The following PRKN variants were observed in gnomAD, a reference collection of about 807,000 sequenced individuals.
PRKN encodes the protein E3 ubiquitin-protein ligase parkin.
PRKN carries 56 observed loss-of-function variants against 59.5 expected under a neutral mutation model. The observed-to-expected ratio is 0.94, with a 90% CI of 0.76 to 1.18. PRKN has a LOEUF of 1.18. PRKN is among the 50% of genes most tolerant of loss of function. The pLI is 0.00. For synonymous variants in PRKN, 250 were observed against 222.1 expected, an observed-to-expected ratio of 1.13 and a Z score of -1.12; for missense variants, 657 against 596.4, an observed-to-expected ratio of 1.10 and a Z score of -1.06.
intron 3 of PRKN, among the ~76,000 whole-genome samples, chr6:162,235,178 A>G (rs1181029101): frequency 6.6e-6 from 1 of 152,212 alleles, no homozygotes; most frequent in Non-Finnish European, 1.5e-5. Context: ...ACCAAAACTT[A>G]CCACTAAATC....
At chr6:161,874,760 T>C (rs1399928165) in intron 6 of PRKN, among the ~76,000 whole-genome samples, 113 of 112,442 alleles carry the variant, frequency 1.0e-3, no homozygotes, top group African/African-American at 4.6e-3. Flanking sequence ...ATAATATATA[T>C]AAAATATATA....
intron 2 of PRKN, among the ~76,000 whole-genome samples, chr6:162,327,483 G>A (rs1783346306): frequency 6.6e-6 from 1 of 152,006 alleles, no homozygotes; most frequent in East Asian, 1.9e-4. Context: ...CTTCTCTACA[G>A]TTTCAATGTT....
chr6:161,519,189 G>A (rs1374353869), intron 9 of PRKN, among the ~76,000 whole-genome samples: 1 of 150,644 alleles, frequency 6.6e-6, no homozygotes, highest in Admixed American at 6.6e-5. Context: ...AGCTGGGGAA[G>A]TAGGGAGGAG....
chr6:162,090,840 A>T (rs1430538953), intron 4 of PRKN, among the ~76,000 whole-genome samples: 1 of 152,138 alleles, frequency 6.6e-6, no homozygotes, highest in Non-Finnish European at 1.5e-5. Flanking sequence ...AGACCCTAAG[A>T]TTTACCATGG....
At chr6:162,551,055 T>C (rs1293431367) in intron 1 of PRKN, among the ~76,000 whole-genome samples, 1 of 152,174 alleles carries the variant, frequency 6.6e-6, no homozygotes, top group Non-Finnish European at 1.5e-5. Flanking sequence ...CTTCTTATCA[T>C]CTCTCTTAGT....
At chr6:161,983,830 G>A (rs1462602794) in intron 5 of PRKN, among the ~76,000 whole-genome samples, 4 of 111,462 alleles carry the variant, frequency 3.6e-5, no homozygotes, top group African/African-American at 7.6e-5. Context: ...TGGGTGCAGC[G>A]CACCAGCACG....
chr6:161,655,885 TACACACACAC>T (rs376047879), intron 7 of PRKN, among the ~76,000 whole-genome samples: 4 of 56,844 alleles, frequency 7.0e-5, no homozygotes, highest in African/African-American at 2.1e-4. Flanking sequence ...CACACACACA[TACACACACAC>T]ACACACACAC....
intron 1 of PRKN, among the ~76,000 whole-genome samples, chr6:162,550,021 G>C (rs9456788): frequency 0.24 from 37,176 of 152,076 alleles, 5,597 homozygotes; most frequent in African/African-American, 0.42. Context: ...CTCACCGTTT[G>C]TCTGGTGTTT....
chr6:162,332,358 A>G (rs1347625358), intron 2 of PRKN, among the ~76,000 whole-genome samples: 4 of 152,204 alleles, frequency 2.6e-5, no homozygotes, highest in Non-Finnish European at 5.9e-5. Flanking sequence ...GTGTCAACAC[A>G]GCACACAACC....
intron 2 of PRKN, among the ~76,000 whole-genome samples, chr6:162,297,804 C>T (rs1781748999): frequency 1.3e-5 from 2 of 152,104 alleles, no homozygotes; most frequent in Non-Finnish European, 2.9e-5. Flanking sequence ...GTGGGCTCTT[C>T]ATCCTTCCTG....
At chr6:162,178,577 G>A (rs1044001386) in intron 4 of PRKN, among the ~76,000 whole-genome samples, 1 of 152,156 alleles carries the variant, frequency 6.6e-6, no homozygotes, top group African/African-American at 2.4e-5. Context: ...TTTGTTTAAA[G>A]ACTATTTTGG....
At chr6:162,472,914 C>T (rs1445443723) in intron 1 of PRKN, among the ~76,000 whole-genome samples, 3 of 151,394 alleles carry the variant, frequency 2.0e-5, no homozygotes, top group African/African-American at 7.3e-5. Context: ...TTATAGCCAG[C>T]TACTCCAGAA....
rs747427602 is a variant in PRKN at position 161,785,885 on chromosome 6, C to T, written c.758G>A (p.Cys253Tyr). 6.8e-6 allele frequency: 11 copies of T among 1,614,112 alleles called. No homozygotes were observed. Among genetic ancestry groups the T allele is most frequent in the Admixed American group, 1.7e-5 (1 of 60,026 alleles). ...DVRSPVLVFQCNSRHVICLDC... is the reference protein window; with the variant it reads ...DVRSPVLVFQYNSRHVICLDC... ...TAAGCAAATCACGTGGCGGGAGTTG[C>T]ACTGGAAAACCAGGACGGGGCTCCT... is the stretch of plus-strand genomic sequence containing the variant. Residue 253 changes from cysteine (C) to tyrosine (Y), a missense_variant, in exon 7 of 12, where the codon TGC (cysteine) becomes TAC (tyrosine). Cys to Tyr is a radical substitution (Grantham distance 194, BLOSUM62 -2). Coordinates refer to ENST00000366898, the MANE Select transcript of PRKN (RefSeq NM_004562.3).
At chr6:161,945,742 C>T (rs1008523360) in intron 6 of PRKN, among the ~76,000 whole-genome samples, 1 of 152,138 alleles carries the variant, frequency 6.6e-6, no homozygotes, top group Admixed American at 6.5e-5. Flanking sequence ...ACCTGCACTT[C>T]GAGATTCAGT....
chr6:161,382,318 A>G (rs1037335561), intron 10 of PRKN, among the ~76,000 whole-genome samples: 1 of 152,054 alleles, frequency 6.6e-6, no homozygotes, highest in Non-Finnish European at 1.5e-5. Flanking sequence ...TAGAATGTTG[A>G]GCAGGAGGCA....
intron 6 of PRKN, among the ~76,000 whole-genome samples, chr6:161,891,787 G>T (rs1228640653): frequency 6.6e-6 from 1 of 152,198 alleles, no homozygotes; most frequent in East Asian, 1.9e-4. Context: ...GGAGAAAGCA[G>T]TTAGATCTAA....
intron 9 of PRKN, among the ~76,000 whole-genome samples, chr6:161,432,341 A>G (rs1311759925): frequency 1.4e-5 from 2 of 147,866 alleles, no homozygotes; most frequent in Admixed American, 6.8e-5. Flanking sequence ...CATTAACAAT[A>G]TTCACTTCCT....
rs1292101136 is a variant in PRKN at position 161,357,952 on chromosome 6, C to T, written c.1285+2136G>A. ...GTGCTCACACAGCCACAGTCCATGG[C>T]AGAGTCCTAACTCCTGCAACACTGC... On this transcript the variant is annotated intron_variant, in intron 11 of 11. Coordinates refer to ENST00000366898, the MANE Select transcript of PRKN (RefSeq NM_004562.3). The surrounding 1 kb of genome is among the most constrained non-coding windows in gnomAD (Gnocchi z 5.5). 6.6e-6 allele frequency among the ~76,000 whole-genome samples: 1 copy of T among 152,220 alleles called. No homozygotes were observed. Among genetic ancestry groups the T allele is most frequent in the African/African-American group, 2.4e-5 (1 of 41,444 alleles).
Position 161,369,759 on chromosome 6 carries a change from A to G in PRKN, c.1168-9554T>C, listed in dbSNP as rs1206488903. Among the ~76,000 whole-genome samples, 2 of 151,978 alleles carry G rather than the reference A, an allele frequency of 1.3e-5. No homozygotes were observed. The highest frequency in any genetic ancestry group is 4.8e-5 in the African/African-American group (2 of 41,350). ...TAGCGATTTCATAAATATATATATG[A>G]AACATCTATAATATACTTATATATA... On this transcript the variant is annotated intron_variant, in intron 10 of 11. Coordinates refer to ENST00000366898, the MANE Select transcript of PRKN (RefSeq NM_004562.3). This position sits in a 1 kb window ranked among gnomAD's most constrained non-coding sequence, Gnocchi z 5.8.
Sources: gnomAD v4.1 joint callset for allele counts (sites outside exome capture counted in the v4.1 genomes callset) on GRCh38, gnomAD v4.1.1 for gene constraint, Gnocchi (gnomAD v3.1) non-coding constraint, MANE v1.5 for transcripts, NCBI Gene and HGNC (gene_info 2026-07-23, HGNC 2026-07-21) for gene names.